The following PDGFC variants were observed in gnomAD, a reference collection of about 807,000 sequenced individuals.
The protein encoded by PDGFC is platelet derived growth factor C, also known as platelet-derived growth factor C.
In PDGFC, 12 loss-of-function variants were observed where a neutral mutation model predicts 35.5. That is an observed-to-expected ratio of 0.34 (90% CI 0.22 to 0.55). PDGFC has a LOEUF of 0.55. PDGFC is among the 20% of genes least tolerant of loss of function. The probability of loss-of-function intolerance (pLI) is 0.91; values close to 1 mark genes in which losing one functional copy is unlikely to be tolerated. For missense variants in PDGFC, 322 were observed against 412.4 expected, an observed-to-expected ratio of 0.78 and a Z score of 1.90; for synonymous variants, 159 against 148.8, an observed-to-expected ratio of 1.07 and a Z score of -0.50.
At chr4:156,838,577 A>G (rs565241461) in intron 2 of PDGFC, among the ~76,000 whole-genome samples, 1 of 150,516 alleles carries the variant, frequency 6.6e-6, no homozygotes, top group East Asian at 1.9e-4. Flanking sequence ...CTATACAGGC[A>G]GAGAAAAATC....
intron 1 of PDGFC, among the ~76,000 whole-genome samples, chr4:156,934,351 T>C (rs998490723): frequency 6.6e-6 from 1 of 152,092 alleles, no homozygotes; most frequent in Admixed American, 6.5e-5. Flanking sequence ...ATAGAAAAGG[T>C]ACAGCAAAAA....
chr4:156,931,633 C>A (rs565184742), intron 1 of PDGFC, among the ~76,000 whole-genome samples: 2 of 152,250 alleles, frequency 1.3e-5, no homozygotes, highest in South Asian at 4.2e-4. Flanking sequence ...ATATTAGAAA[C>A]TAAGTTTACT....
chr4:156,924,579 C>T (rs116667619), intron 1 of PDGFC, among the ~76,000 whole-genome samples: 4 of 152,144 alleles, frequency 2.6e-5, no homozygotes, highest in Non-Finnish European at 5.9e-5. Context: ...GTAGATCTTG[C>T]AACAAGATTA....
intron 2 of PDGFC, among the ~76,000 whole-genome samples, chr4:156,848,214 G>T (rs558237108): frequency 1.3e-5 from 2 of 151,872 alleles, no homozygotes; most frequent in East Asian, 3.9e-4. Context: ...TAAAACCAAT[G>T]ATAAGGTACA....
At chr4:156,857,404 CTTAA>C (rs1729608617) in intron 1 of PDGFC, among the ~76,000 whole-genome samples, 1 of 152,038 alleles carries the variant, frequency 6.6e-6, no homozygotes, top group Admixed American at 6.6e-5. Context: ...ACTTCTACAG[CTTAA>C]TTAAAGAAGG....
chr4:156,767,734 A>G (rs1308276222), intron 5 of PDGFC, 39 bp downstream of exon 5: 2 of 1,296,272 alleles, frequency 1.5e-6, no homozygotes, highest in African/African-American at 1.5e-5. Context: ...TAAGACATAA[A>G]ATACCCGAAG....
intron 1 of PDGFC, among the ~76,000 whole-genome samples, chr4:156,926,815 G>A (rs1214406651): frequency 6.6e-6 from 1 of 152,106 alleles, no homozygotes; most frequent in African/African-American, 2.4e-5. Flanking sequence ...AGCATTCCAG[G>A]GTCTGGAGGA....
rs771432613 is a variant in PDGFC at position 156,767,738 on chromosome 4, C to T, written c.921+35G>A. 7 of 1,333,462 alleles carry T rather than the reference C, an allele frequency of 5.2e-6. No individual in the cohort carries two copies. In the African/African-American group the frequency reaches 5.8e-5, roughly 11 times the overall value. 82.6% of individuals were successfully genotyped at this position (1,333,462 alleles called of 1,614,324 possible). On this transcript the variant is annotated intron_variant, in intron 5 of 5. Transcript: ENST00000502773. ...CTGTTTTGTTCTAAGACATAAAATA[C>T]CCGAAGGAAACCAAAAAGAAAATTG...
intron 1 of PDGFC, among the ~76,000 whole-genome samples, chr4:156,879,503 T>G (rs1038176684): frequency 3.9e-5 from 6 of 151,984 alleles, no homozygotes; most frequent in Admixed American, 6.6e-5. Context: ...AAATAAACTC[T>G]CCAGGGATAC....
At chr4:156,815,317 ATT>A (rs1398594317) in intron 2 of PDGFC, among the ~76,000 whole-genome samples, 7 of 133,826 alleles carry the variant, frequency 5.2e-5, no homozygotes, top group Middle Eastern at 3.8e-3. Flanking sequence ...TAATGAAATA[ATT>A]TTTTACACAC....
At chr4:156,905,968 AG>A (rs1192797739) in intron 1 of PDGFC, among the ~76,000 whole-genome samples, 1 of 152,136 alleles carries the variant, frequency 6.6e-6, no homozygotes, top group Non-Finnish European at 1.5e-5. Flanking sequence ...AGTGACCAAA[AG>A]CAACAGATGA....
intron 3 of PDGFC, among the ~76,000 whole-genome samples, chr4:156,809,114 G>T (rs1731854323): frequency 6.6e-6 from 1 of 151,856 alleles, no homozygotes; most frequent in African/African-American, 2.4e-5. Flanking sequence ...ATTATCTACA[G>T]CCCAGAATAG....
rs190210146 is a variant in PDGFC, at chr4:156,843,624, T to A, written c.314+6597A>T. Among the ~76,000 whole-genome samples the A allele has an allele frequency of 2.2e-3, 332 of 152,296 alleles. 2 individuals are homozygous for A. Among genetic ancestry groups the A allele is most frequent in the African/African-American group, 7.5e-3 (312 of 41,562 alleles). On this transcript the variant is annotated intron_variant, in intron 2 of 5. Coordinates refer to ENST00000502773, the MANE Select transcript of PDGFC (RefSeq NM_016205.3). ...CAACATATCTTAAAGAGGTACTGAATTTTTTGTTTGTTTGTTTATCCTGTC... is the reference window on the plus strand; with the variant it reads ...CAACATATCTTAAAGAGGTACTGAAATTTTTGTTTGTTTGTTTATCCTGTC...
At chr4:156,896,729 T>C (rs13152639) in intron 1 of PDGFC, among the ~76,000 whole-genome samples, 87,277 of 151,934 alleles carry the variant, frequency 0.57, 25,255 homozygotes, top group Admixed American at 0.64. Context: ...AGCAAGTTAC[T>C]ATGGCAACTA....
rs1007117105 is a variant in PDGFC at position 156,811,075 on chromosome 4, C to T, written c.315-58G>A. ...TCATAATCTGTTATTCTGGCAATTA[C>T]AAGTTTCATGTCTGTGGGTGCTATG... On this transcript the variant is annotated intron_variant, in intron 2 of 5. Transcript: ENST00000502773. 3.4e-6 allele frequency: 4 copies of T among 1,192,194 alleles called. No individual in the cohort carries two copies. In the East Asian group the frequency reaches 7.5e-5, roughly 22 times the overall value. The allele number at this position is 1,192,194 out of a possible 1,614,324, so 73.9% of individuals were successfully genotyped here.
intron 2 of PDGFC, among the ~76,000 whole-genome samples, chr4:156,818,675 T>G (rs1292866193): frequency 6.6e-6 from 1 of 152,026 alleles, no homozygotes. Flanking sequence ...GCTAATTTTT[T>G]GTATTTTTAA....
intron 1 of PDGFC, among the ~76,000 whole-genome samples, chr4:156,919,334 T>C (rs541929691): frequency 3.9e-5 from 6 of 152,276 alleles, no homozygotes; most frequent in Admixed American, 3.9e-4. Flanking sequence ...TTCATAATCT[T>C]AATCTGAGTA....
intron 1 of PDGFC, among the ~76,000 whole-genome samples, chr4:156,869,151 C>T (rs1197489029): frequency 2.0e-5 from 3 of 151,880 alleles, no homozygotes; most frequent in Non-Finnish European, 2.9e-5. Context: ...TAAAAATGAC[C>T]GGCCAGGTGC....
Position 156,762,490 on chromosome 4 carries a change from AT to A in PDGFC, c.*599del, listed in dbSNP as rs1560800523. ...AGTTCTCTTCTTCTAAATGGCAGAA[AT>A]TTTAATAAGAAATATGAAAAATCCA... On this transcript the variant is annotated 3_prime_UTR_variant, in exon 6 of 6. Transcript: ENST00000502773. 1 of 152,484 alleles carries A rather than the reference AT, an allele frequency of 6.6e-6. No homozygotes were observed. Among genetic ancestry groups the A allele is most frequent in the South Asian group, 2.1e-4 (1 of 4,832 alleles). The allele number at this position is 152,484 out of a possible 1,614,324, so 9.4% of individuals were successfully genotyped here.
Sources: gnomAD v4.1 joint callset for allele counts (sites outside exome capture counted in the v4.1 genomes callset) on GRCh38, gnomAD v4.1.1 for gene constraint, MANE v1.5 for transcripts, NCBI Gene and HGNC (gene_info 2026-07-23, HGNC 2026-07-21) for gene names.